The following AOPEP variants were observed in gnomAD, a reference collection of about 807,000 sequenced individuals.
AOPEP encodes the protein aminopeptidase O (putative).
AOPEP carries 77 observed loss-of-function variants against 98.1 expected under a neutral mutation model. That is an observed-to-expected ratio of 0.78 (90% CI 0.65 to 0.95). The LOEUF is 0.95. AOPEP is among the 40% of genes least tolerant of loss of function. AOPEP has a pLI of 0.00. For synonymous variants in AOPEP, 346 were observed against 365.3 expected, an observed-to-expected ratio of 0.95 and a Z score of 0.60; for missense variants, 1,024 against 1,024.7, an observed-to-expected ratio of 1.00 and a Z score of 0.01.
At chr9:94,774,595 CAAT>C (rs1488861381) in intron 3 of AOPEP, among the ~76,000 whole-genome samples, 2 of 151,932 alleles carry the variant, frequency 1.3e-5, no homozygotes, top group African/African-American at 2.4e-5. Context: ...AACATTGGCA[CAAT>C]ATTTTTTATC....
At chr9:94,853,636 GA>G (rs1454186576) in intron 5 of AOPEP, among the ~76,000 whole-genome samples, 1 of 152,116 alleles carries the variant, frequency 6.6e-6, no homozygotes, top group Non-Finnish European at 1.5e-5. Flanking sequence ...AGTGAGATTT[GA>G]AAATGTTGAA....
intron 5 of AOPEP, among the ~76,000 whole-genome samples, chr9:94,871,881 C>T (rs1231625917): frequency 2.0e-5 from 3 of 152,080 alleles, no homozygotes; most frequent in African/African-American, 7.2e-5. Context: ...TTTGTGTGTG[C>T]TTGTAGTCCC....
chr9:95,109,894 A>C, the AOPEP span: 3 of 152,264 alleles, frequency 2.0e-5, no homozygotes, highest in Admixed American at 2.0e-4. Flanking sequence ...CACAAAACCC[A>C]GGAAAACAAG....
chr9:95,102,432 C>A, the AOPEP span, among the ~76,000 whole-genome samples: 1 of 152,136 alleles, frequency 6.6e-6, no homozygotes, highest in Non-Finnish European at 1.5e-5. Flanking sequence ...AAGTATTTTC[C>A]TAAAAACTTC....
intron 5 of AOPEP, among the ~76,000 whole-genome samples, chr9:94,835,288 T>C (rs2041451057): frequency 6.6e-6 from 1 of 152,130 alleles, no homozygotes; most frequent in Non-Finnish European, 1.5e-5. Context: ...AAACAATGAG[T>C]ACTTTGACTC....
chr9:94,830,145 G>T (rs889761049), intron 5 of AOPEP, among the ~76,000 whole-genome samples: 2 of 152,132 alleles, frequency 1.3e-5, no homozygotes, highest in Non-Finnish European at 2.9e-5. Flanking sequence ...CATCACCTAG[G>T]TATTAAGCCC....
chr9:95,109,398 T>C, the AOPEP span, among the ~76,000 whole-genome samples: 2 of 152,224 alleles, frequency 1.3e-5, no homozygotes, highest in Admixed American at 6.5e-5. Context: ...CCCAGGGTAA[T>C]TCCTAGAAGT....
At position 94,849,772 on chromosome 9, in the gene AOPEP, C is replaced by T. The variant is rs139552246; in HGVS notation, c.1364+48770C>T. 7.6e-4 allele frequency among the ~76,000 whole-genome samples: 116 copies of T among 152,256 alleles called. No homozygotes were observed. The East Asian group carries it at 0.019, about 24-fold the overall frequency. On this transcript the variant is annotated intron_variant, in intron 5 of 16. Transcript: ENST00000375315. Reference sequence around the variant, plus strand: ...ATGCCAGGCGGAGCGCAGTGGCTCACGCTTGTAATCCCAGCACTTTGGGAG... The same window carrying T: ...ATGCCAGGCGGAGCGCAGTGGCTCATGCTTGTAATCCCAGCACTTTGGGAG...
At chr9:95,115,319 G>A in the AOPEP span, among the ~76,000 whole-genome samples, 1 of 152,150 alleles carries the variant, frequency 6.6e-6, no homozygotes, top group Admixed American at 6.5e-5. Context: ...GGGAAATGCC[G>A]GGTTGCGGAT....
intron 11 of AOPEP, chr9:95,004,036 C>T: frequency 3.1e-6 from 1 of 327,602 alleles, no homozygotes; most frequent in Non-Finnish European, 6.0e-6. Flanking sequence ...TGAGTTTGAT[C>T]TTGGCTTTGA....
At chr9:95,082,369 TG>T (rs1295467263) in intron 15 of AOPEP, among the ~76,000 whole-genome samples, 2 of 152,032 alleles carry the variant, frequency 1.3e-5, no homozygotes, top group Admixed American at 1.3e-4. Context: ...GAGGATTCCT[TG>T]GGGTTTTGAG....
intron 9 of AOPEP, among the ~76,000 whole-genome samples, 177 bp downstream of exon 9, chr9:94,956,192 C>G (rs2058441536): frequency 6.6e-6 from 1 of 152,156 alleles, no homozygotes; most frequent in African/African-American, 2.4e-5. Context: ...AAGGTGATCT[C>G]TCTGTAGTTT....
intron 5 of AOPEP, among the ~76,000 whole-genome samples, chr9:94,887,414 G>A (rs2135982168): frequency 6.6e-6 from 1 of 152,114 alleles, no homozygotes; most frequent in South Asian, 2.1e-4. Context: ...GGAATTCCAT[G>A]GTATAATGGC....
At chr9:94,792,972 C>T in intron 4 of AOPEP, 54 bp downstream of exon 4, 6 of 1,509,480 alleles carry the variant, frequency 4.0e-6, no homozygotes, top group South Asian at 2.5e-5. Flanking sequence ...CTTGAGGGAG[C>T]GGTATGATGC....
intron 7 of AOPEP, among the ~76,000 whole-genome samples, chr9:94,950,179 C>T (rs561141272): frequency 4.6e-5 from 7 of 152,298 alleles, no homozygotes; most frequent in East Asian, 1.9e-4. Flanking sequence ...ATCTCACATG[C>T]GTAACTATGG....
the AOPEP span, among the ~76,000 whole-genome samples, chr9:95,133,518 G>C: frequency 6.6e-6 from 1 of 152,186 alleles, no homozygotes; most frequent in Non-Finnish European, 1.5e-5. Flanking sequence ...ACAGTTATGT[G>C]CAATGGGACG....
chr9:95,131,340 GC>G, the AOPEP span, among the ~76,000 whole-genome samples: 2 of 152,136 alleles, frequency 1.3e-5, no homozygotes, highest in Non-Finnish European at 2.9e-5. Flanking sequence ...AAGCTCCTCA[GC>G]CCCCTGCTGC....
In AOPEP at chr9:94,726,716, G is replaced by A. The variant is rs1829256233; in HGVS notation, c.-171G>A. On this transcript the variant is annotated 5_prime_UTR_variant, in exon 1 of 17. Transcript: ENST00000375315. The stretch of plus-strand genomic sequence containing the variant: ...GGTAGCCCGTAGTAACCCCGAGTCT[G>A]CGGAAGTGGTGACCCGTGGGACGCG... 1 of 152,312 alleles carries A rather than the reference G, an allele frequency of 6.6e-6. No individual in the cohort carries two copies. Among genetic ancestry groups the A allele is most frequent in the South Asian group, 2.1e-4 (1 of 4,836 alleles). 9.4% of individuals were successfully genotyped at this position (152,312 alleles called of 1,614,324 possible). A position where few individuals can be genotyped will look rare whatever the true frequency, so the allele number is the denominator to read the frequency against.
intron 5 of AOPEP, among the ~76,000 whole-genome samples, chr9:94,808,436 A>G (rs989727982): frequency 7.0e-4 from 106 of 152,324 alleles, no homozygotes; most frequent in Non-Finnish European, 1.1e-3. Flanking sequence ...TTTTTTTAAA[A>G]AAAATTGAAT....
Sources: gnomAD v4.1 joint callset for allele counts (sites outside exome capture counted in the v4.1 genomes callset) on GRCh38, gnomAD v4.1.1 for gene constraint, MANE v1.5 for transcripts, NCBI Gene and HGNC (gene_info 2026-07-23, HGNC 2026-07-21) for gene names.